The following CEMIP variants were observed in gnomAD, a reference collection of about 807,000 sequenced individuals.
CEMIP encodes cell migration-inducing and hyaluronan-binding protein.
Under a neutral mutation model 156.9 loss-of-function variants are expected in CEMIP, and 105 were observed. The ratio of observed to expected loss-of-function variants is 0.67; its 90% CI spans 0.57 to 0.79. The LOEUF is 0.79. Among genes scored for constraint, CEMIP ranks in the 30% least tolerant of loss-of-function variants. The pLI is 0.00. For missense variants in CEMIP, 1,457 were observed against 1,769.4 expected, an observed-to-expected ratio of 0.82 and a Z score of 3.17; for synonymous variants, 676 against 668.4, an observed-to-expected ratio of 1.01 and a Z score of -0.17.
intron 7 of CEMIP, among the ~76,000 whole-genome samples, chr15:80,885,711 A>G (rs1404649599): frequency 6.6e-6 from 1 of 152,220 alleles, no homozygotes; most frequent in African/African-American, 2.4e-5. Flanking sequence ...AAAATGGGAT[A>G]TACGAGGAGC....
chr15:80,946,231 C>G (rs1270927121), intron 28 of CEMIP: 2 of 152,728 alleles, frequency 1.3e-5, no homozygotes, highest in Admixed American at 6.5e-5. Context: ...CTGGACTACA[C>G]TAAGCCTGTG....
intron 1 of CEMIP, among the ~76,000 whole-genome samples, chr15:80,783,550 G>A (rs1436283396): frequency 6.6e-6 from 1 of 152,156 alleles, no homozygotes; most frequent in East Asian, 1.9e-4. Flanking sequence ...GGGTACTGGG[G>A]GAGACTTCTC....
Position 80,878,802 on chromosome 15 carries a change from G to A in CEMIP, c.176G>A (p.Gly59Asp), listed in dbSNP as rs1898552025. 1 of 1,614,014 alleles carries A rather than the reference G, an allele frequency of 6.2e-7. No homozygotes were observed. The highest frequency in any genetic ancestry group is 1.1e-5 in the South Asian group (1 of 91,086). Residue 59 changes from glycine (G) to aspartate (D), a missense_variant, in exon 4 of 30, where the codon GGC becomes GAC. This residue lies in a region of CEMIP where 309 missense variants were observed against 340.8 expected (regional missense o/e 0.91). Coordinates refer to ENST00000394685, the MANE Select transcript of CEMIP (RefSeq NM_001293298.2). ...GACCAAGACCACCATGTGCATATCGGCCAGGGCAAGACACTGCTGCTCACC... is the reference window on the plus strand; with the variant it reads ...GACCAAGACCACCATGTGCATATCGACCAGGGCAAGACACTGCTGCTCACC... ...GHDQDHHVHI[G>D]QGKTLLLTSS...
Position 80,895,876 on chromosome 15 carries a change from C to T in CEMIP, c.1227C>T (p.Pro409=), listed in dbSNP as rs2141860506. 6.2e-7 allele frequency: 1 copy of T among 1,614,098 alleles called. No individual in the cohort carries two copies. The highest frequency in any genetic ancestry group is 2.2e-5 in the East Asian group (1 of 44,874). ...TCCTGTTTTGGGTTACAGTGAGGCC[C>T]AAACTCACAGTCACCATTGACACCA... ...VRFLCGKPVR[P]KLTVTIDTNV... is the part of the protein sequence containing the mutation. Residue 409 remains proline, a synonymous_variant, in exon 12 of 30, where the codon CCC becomes CCT. Coordinates refer to ENST00000394685, the MANE Select transcript of CEMIP (RefSeq NM_001293298.2).
At chr15:80,830,004 G>GTGTA (rs1897125700) in intron 1 of CEMIP, among the ~76,000 whole-genome samples, 1 of 73,850 alleles carries the variant, frequency 1.4e-5, no homozygotes, top group Non-Finnish European at 3.0e-5. Context: ...GTGTGTGTGC[G>GTGTA]CGCATGTCCT....
chr15:80,880,024 G>C (rs539393590), intron 5 of CEMIP, among the ~76,000 whole-genome samples, 170 bp downstream of exon 5: 1 of 152,330 alleles, frequency 6.6e-6, no homozygotes, highest in African/African-American at 2.4e-5. Flanking sequence ...TGGGAGAGCT[G>C]AAGTCCATAA....
chr15:80,780,608 G>A (rs1459722409), intron 1 of CEMIP, among the ~76,000 whole-genome samples: 1 of 152,212 alleles, frequency 6.6e-6, no homozygotes, highest in Non-Finnish European at 1.5e-5. Context: ...CCACAGGTGA[G>A]AGCTCCCTTT....
At chr15:80,860,033 A>G (rs997697686) in intron 1 of CEMIP, among the ~76,000 whole-genome samples, 7 of 152,070 alleles carry the variant, frequency 4.6e-5, no homozygotes, top group African/African-American at 1.7e-4. Context: ...ACGCACACAC[A>G]CATACACACA....
intron 13 of CEMIP, 117 bp from the exon 14 acceptor site, chr15:80,908,980 G>C: frequency 1.1e-6 from 1 of 947,496 alleles, no homozygotes. Context: ...GATTTACTGA[G>C]TACTAAGTGG....
intron 3 of CEMIP, among the ~76,000 whole-genome samples, chr15:80,875,021 ATTTTTTT>A (rs755707756): frequency 1.5e-4 from 10 of 64,958 alleles, no homozygotes; most frequent in African/African-American, 5.6e-4. Context: ...AGCAAGTAGC[ATTTTTTT>A]TTTTTTTTTT....
chr15:80,803,250 C>T (rs1289056184), intron 1 of CEMIP, among the ~76,000 whole-genome samples: 3 of 152,122 alleles, frequency 2.0e-5, no homozygotes, highest in Non-Finnish European at 4.4e-5. Flanking sequence ...GGATTCTGTC[C>T]CCTCATATAC....
chr15:80,817,602 A>AAATCATAATAAT (rs1896815932), intron 1 of CEMIP, among the ~76,000 whole-genome samples: 2 of 138,768 alleles, frequency 1.4e-5, no homozygotes, highest in Non-Finnish European at 3.1e-5. Context: ...CCCTGTCTCA[A>AAATCATAATAAT]AATAATAATA....
At chr15:80,820,762 A>G (rs748000347) in intron 1 of CEMIP, among the ~76,000 whole-genome samples, 4 of 152,202 alleles carry the variant, frequency 2.6e-5, no homozygotes, top group Non-Finnish European at 4.4e-5. Flanking sequence ...CAGTTTTCTC[A>G]CCTATTATAG....
At chr15:80,865,538 A>T (rs1444118197) in intron 1 of CEMIP, among the ~76,000 whole-genome samples, 1 of 152,074 alleles carries the variant, frequency 6.6e-6, no homozygotes, top group Non-Finnish European at 1.5e-5. Flanking sequence ...ACATAGCCAC[A>T]TGTGATTCAT....
At position 80,869,005 on chromosome 15, in the gene CEMIP, T is replaced by C. The variant is rs190241105; in HGVS notation, c.-175-4533T>C. ...TCAACAACAGAAATGTATTTACTCA[T>C]AGTTCTGGAGGCTAGAAGTCTGAGA... is the stretch of plus-strand genomic sequence containing the variant. On this transcript the variant is annotated intron_variant, in intron 1 of 29. Transcript: ENST00000394685. Among the ~76,000 whole-genome samples the C allele has an allele frequency of 3.3e-5, 5 of 152,326 alleles. No homozygotes were observed. The East Asian group carries it at 9.6e-4, about 29-fold the overall frequency.
At chr15:80,835,957 T>TA (rs1446254446) in intron 1 of CEMIP, among the ~76,000 whole-genome samples, 3 of 152,180 alleles carry the variant, frequency 2.0e-5, no homozygotes, top group Non-Finnish European at 4.4e-5. Flanking sequence ...GTTTTTTTTT[T>TA]AAATGTTAAG....
Position 80,885,080 on chromosome 15 carries a change from G to A in CEMIP, c.797+726G>A, listed in dbSNP as rs758869109. ...GATCCTCTCCCTCCCTCTGCCCCTC[G>A]CCCCTGCCAAGCCCCAGTGTGTGTT... On this transcript the variant is annotated intron_variant, in intron 7 of 29. Coordinates refer to ENST00000394685, the MANE Select transcript of CEMIP (RefSeq NM_001293298.2). Among the ~76,000 whole-genome samples the A allele has an allele frequency of 1.1e-4, 17 of 151,978 alleles. No homozygotes were observed. In the South Asian group the frequency reaches 1.9e-3, roughly 17 times the overall value.
intron 19 of CEMIP, among the ~76,000 whole-genome samples, chr15:80,926,460 T>C (rs1395824638): frequency 6.6e-5 from 10 of 152,200 alleles, no homozygotes; most frequent in Admixed American, 6.5e-4. Context: ...AATAAACATA[T>C]TTCTCTATTT....
Position 80,879,877 on chromosome 15 carries a change from T to C in CEMIP, c.380+23T>C, listed in dbSNP as rs373353803. 2.6e-4 allele frequency: 421 copies of C among 1,613,600 alleles called. 3 individuals are homozygous for C. The highest frequency in any genetic ancestry group is 3.2e-4 in the Non-Finnish European group (382 of 1,179,894). On this transcript the variant is annotated intron_variant, in intron 5 of 29. Coordinates refer to ENST00000394685, the MANE Select transcript of CEMIP (RefSeq NM_001293298.2). ...AAGGTGCGTAGACCACTCCTACAGA[T>C]CAAATGCTACCCATGGATCTGACAA...
Sources: allele counts gnomAD v4.1 joint callset (sites outside exome capture counted in the v4.1 genomes callset), GRCh38; gene constraint gnomAD v4.1.1; regional missense constraint gnomAD v4.1.1; transcripts MANE v1.5; gene names NCBI Gene and HGNC (gene_info 2026-07-23, HGNC 2026-07-21).